MACROD2: variants seen among roughly 807,000 people sequenced by gnomAD.
MACROD2 encodes the protein ADP-ribose glycohydrolase MACROD2.
In MACROD2, 36 loss-of-function variants were observed where a neutral mutation model predicts 70.4. The observed-to-expected ratio is 0.51, with a 90% CI of 0.39 to 0.68. MACROD2 has a LOEUF of 0.68. MACROD2 is among the 30% of genes least tolerant of loss of function. The pLI, the probability that MACROD2 is intolerant of heterozygous loss-of-function variation, is 0.00. For missense variants in MACROD2, 496 were observed against 538.4 expected (o/e 0.92, Z 0.78); for synonymous variants, 172 against 178.8 (o/e 0.96, Z 0.30).
intron 3 of MACROD2, among the ~76,000 whole-genome samples, chr20:14,289,947 T>C (rs1305935127): frequency 6.6e-6 from 1 of 152,138 alleles, no homozygotes; most frequent in Admixed American, 6.6e-5. Context: ...GTCAGCATTC[T>C]GGAGATAAAA....
intron 5 of MACROD2, among the ~76,000 whole-genome samples, chr20:15,134,737 T>C (rs2076133246): frequency 6.6e-6 from 1 of 151,636 alleles, no homozygotes; most frequent in Non-Finnish European, 1.5e-5. Flanking sequence ...CTGAAGGAAA[T>C]AGAGACACAA....
intron 8 of MACROD2, among the ~76,000 whole-genome samples, chr20:15,725,694 C>T (rs1308713875): frequency 6.6e-6 from 1 of 151,944 alleles, no homozygotes; most frequent in South Asian, 2.1e-4. Flanking sequence ...TCACCATTGT[C>T]ATGTAAATTG....
chr20:15,382,527 G>A (rs981967117), intron 6 of MACROD2, among the ~76,000 whole-genome samples: 16 of 152,176 alleles, frequency 1.1e-4, no homozygotes, highest in African/African-American at 3.4e-4. Flanking sequence ...ATGAATAAAC[G>A]TAGACAGGAA....
intron 3 of MACROD2, among the ~76,000 whole-genome samples, chr20:14,216,312 C>T (rs2081622169): frequency 6.6e-6 from 1 of 152,000 alleles, no homozygotes; most frequent in Non-Finnish European, 1.5e-5. Flanking sequence ...GATCACTTGG[C>T]TGTAAGTATT....
chr20:13,999,229 A>C (rs2052701843), intron 1 of MACROD2, among the ~76,000 whole-genome samples: 1 of 152,094 alleles, frequency 6.6e-6, no homozygotes, highest in African/African-American at 2.4e-5. Flanking sequence ...ATTGCCTGTA[A>C]CAGTGCTCGG....
intron 6 of MACROD2, among the ~76,000 whole-genome samples, chr20:15,242,383 T>G (rs2077067353): frequency 6.6e-6 from 1 of 152,246 alleles, no homozygotes; most frequent in African/African-American, 2.4e-5. Flanking sequence ...TAAATCCCAT[T>G]TAGTTGTGTC....
intron 10 of MACROD2, among the ~76,000 whole-genome samples, chr20:15,901,814 C>T (rs910634897): frequency 1.3e-5 from 2 of 152,140 alleles, no homozygotes. Context: ...CTCTAGTTAT[C>T]GGCCCTCAGT....
chr20:14,653,131 GC>G (rs1185133052), intron 4 of MACROD2, among the ~76,000 whole-genome samples: 1 of 150,928 alleles, frequency 6.6e-6, no homozygotes, highest in African/African-American at 2.4e-5. Flanking sequence ...GCTCACTGCA[GC>G]CTCGACCTCC....
intron 4 of MACROD2, among the ~76,000 whole-genome samples, chr20:14,545,842 A>G (rs140487944): frequency 6.6e-6 from 1 of 152,248 alleles, no homozygotes; most frequent in East Asian, 1.9e-4. Context: ...CAGAATCTAT[A>G]CAAGCCATAA....
chr20:15,028,485 C>T (rs973188764), intron 5 of MACROD2, among the ~76,000 whole-genome samples: 1 of 152,162 alleles, frequency 6.6e-6, no homozygotes, highest in Non-Finnish European at 1.5e-5. Flanking sequence ...TTATTAAGCA[C>T]CTACTGGATG....
intron 7 of MACROD2, among the ~76,000 whole-genome samples, chr20:15,454,361 A>G (rs1834491833): frequency 1.3e-5 from 2 of 150,332 alleles, no homozygotes; most frequent in East Asian, 2.0e-4. Flanking sequence ...TTCCCCTCTC[A>G]TGTTCCCCTA....
intron 10 of MACROD2, among the ~76,000 whole-genome samples, chr20:15,907,407 G>T (rs760062522): frequency 6.6e-6 from 1 of 152,144 alleles, no homozygotes; most frequent in African/African-American, 2.4e-5. Flanking sequence ...GTTAAGTTTG[G>T]CAGAGTACAG....
At chr20:14,013,071 T>C (rs1004720720) in intron 2 of MACROD2, among the ~76,000 whole-genome samples, 25 of 152,188 alleles carry the variant, frequency 1.6e-4, no homozygotes, top group Admixed American at 1.6e-3. Context: ...TGAAATAGAC[T>C]AGTGTCTACA....
chr20:14,162,018 C>A (rs2055197920), intron 3 of MACROD2, among the ~76,000 whole-genome samples: 1 of 152,156 alleles, frequency 6.6e-6, no homozygotes, highest in Middle Eastern at 3.2e-3. Context: ...GTGTTTATTG[C>A]TATAATGAAC....
chr20:15,814,483 G>A (rs2063852695), intron 8 of MACROD2, among the ~76,000 whole-genome samples: 1 of 152,130 alleles, frequency 6.6e-6, no homozygotes, highest in Non-Finnish European at 1.5e-5. Flanking sequence ...CATTGTAGTA[G>A]CTGGCTTAAT....
intron 4 of MACROD2, among the ~76,000 whole-genome samples, chr20:14,505,699 G>A (rs1198142597): frequency 6.6e-6 from 1 of 152,188 alleles, no homozygotes; most frequent in East Asian, 1.9e-4. Flanking sequence ...CCATGAATTT[G>A]CATTTCTAAC....
intron 8 of MACROD2, among the ~76,000 whole-genome samples, chr20:15,707,375 A>C (rs1390908631): frequency 6.6e-6 from 1 of 152,228 alleles, no homozygotes; most frequent in Admixed American, 6.5e-5. Flanking sequence ...ACAAATAATT[A>C]TCATGCCTCT....
chr20:14,874,464 A>T (rs556167295), intron 5 of MACROD2, among the ~76,000 whole-genome samples: 9 of 151,176 alleles, frequency 6.0e-5, no homozygotes, highest in South Asian at 2.1e-4. Flanking sequence ...ATTTCATTGG[A>T]TTACTAAATT....
At chr20:14,659,089 C>T (rs895178503) in intron 4 of MACROD2, among the ~76,000 whole-genome samples, 1 of 152,034 alleles carries the variant, frequency 6.6e-6, no homozygotes, top group Middle Eastern at 3.2e-3. Context: ...CCAAGAGATG[C>T]GGTTGTTGCT....
Sources: gnomAD v4.1 joint callset for allele counts (sites outside exome capture counted in the v4.1 genomes callset) on GRCh38, gnomAD v4.1.1 for gene constraint, MANE v1.5 for transcripts, NCBI Gene and HGNC (gene_info 2026-07-23, HGNC 2026-07-21) for gene names.